The following OTUD7A variants were observed in gnomAD, a reference collection of about 807,000 sequenced individuals.
OTUD7A encodes the protein OTU domain-containing protein 7A.
A neutral mutation model predicts 65.7 loss-of-function variants in OTUD7A; 12 were observed. The observed-to-expected ratio is 0.18, with a 90% CI of 0.12 to 0.30. The LOEUF (loss-of-function observed/expected upper bound fraction) is 0.30. Among genes scored for constraint, OTUD7A ranks in the 10% least tolerant of loss-of-function variants. The pLI, the probability that OTUD7A is intolerant of heterozygous loss-of-function variation, is 1.00. For missense variants in OTUD7A, 1,148 were observed against 1,304.8 expected, an observed-to-expected ratio of 0.88 and a Z score of 1.85; for synonymous variants, 641 against 586.3, an observed-to-expected ratio of 1.09 and a Z score of -1.35.
At chr15:31,843,941 C>A (rs1897244457) in intron 1 of OTUD7A, among the ~76,000 whole-genome samples, 1 of 152,194 alleles carries the variant, frequency 6.6e-6, no homozygotes, top group Non-Finnish European at 1.5e-5. Context: ...GACCACCCAG[C>A]CAGGCAGGAG....
At chr15:31,766,557 C>G (rs1171208993) in intron 1 of OTUD7A, 6 of 1,612,952 alleles carry the variant, frequency 3.7e-6, no homozygotes, top group Non-Finnish European at 5.1e-6. Flanking sequence ...CACACTTGTG[C>G]TGCCTTGTCC....
chr15:31,597,531 C>T (rs1595641005), intron 3 of OTUD7A, among the ~76,000 whole-genome samples: 1 of 151,302 alleles, frequency 6.6e-6, no homozygotes, highest in East Asian at 1.9e-4. Flanking sequence ...GTTGAAAAGA[C>T]TTTCCTTTCT....
At chr15:31,695,664 C>T in intron 1 of OTUD7A, among the ~76,000 whole-genome samples, 1 of 152,224 alleles carries the variant, frequency 6.6e-6, no homozygotes, top group Non-Finnish European at 1.5e-5. Context: ...AAACAGGAGA[C>T]AGACCTGGAG....
At position 31,737,318 on chromosome 15, in the gene OTUD7A, A is replaced by G. The variant is rs1297838788; in HGVS notation, c.-99-80241T>C. On this transcript the variant is annotated intron_variant, in intron 1 of 12. Coordinates refer to ENST00000307050, the MANE Select transcript of OTUD7A (RefSeq NM_001382637.1). ...TCCACTATTGAAATAGAGACAGACA[A>G]CCCCACAAAAACTCCAGCAAAAGAC... 2.0e-5 allele frequency among the ~76,000 whole-genome samples: 3 copies of G among 152,266 alleles called. No homozygotes were observed. The Middle Eastern group carries it at 0.01, about 518-fold the overall frequency.
At chr15:31,649,214 G>C (rs1221664445) in intron 3 of OTUD7A, among the ~76,000 whole-genome samples, 3 of 152,302 alleles carry the variant, frequency 2.0e-5, no homozygotes, top group Non-Finnish European at 4.4e-5. Flanking sequence ...TGCTGTGCCA[G>C]AGAGCCAGAC....
chr15:31,505,748 ATTT>A (rs58989170), intron 8 of OTUD7A, among the ~76,000 whole-genome samples: 1 of 145,384 alleles, frequency 6.9e-6, no homozygotes, highest in African/African-American at 2.5e-5. Flanking sequence ...ATTGAAGTTA[ATTT>A]TTTTTTTTTT....
chr15:31,505,559 A>AT (rs545332263), intron 8 of OTUD7A, among the ~76,000 whole-genome samples: 35 of 151,680 alleles, frequency 2.3e-4, no homozygotes, highest in South Asian at 8.3e-4. Context: ...CCCTCTTATA[A>AT]TTTTTTTTTA....
chr15:31,511,112 A>AACAC (rs1216579968), intron 8 of OTUD7A, among the ~76,000 whole-genome samples: 1 of 37,556 alleles, frequency 2.7e-5, no homozygotes, highest in Non-Finnish European at 4.4e-5. Context: ...ATCTATATGT[A>AACAC]ACATACATAT....
At chr15:31,610,454 G>C (rs2141221851) in intron 3 of OTUD7A, among the ~76,000 whole-genome samples, 1 of 151,514 alleles carries the variant, frequency 6.6e-6, no homozygotes, top group Middle Eastern at 3.4e-3. Flanking sequence ...AGAACAAATG[G>C]ACTTAACAGA....
intron 5 of OTUD7A, among the ~76,000 whole-genome samples, chr15:31,538,899 T>G (rs1887893434): frequency 6.6e-6 from 1 of 152,162 alleles, no homozygotes; most frequent in South Asian, 2.1e-4. Context: ...CAACATGAAT[T>G]TGGCAATTTT....
chr15:31,517,703 C>T (rs1363924294), intron 8 of OTUD7A, among the ~76,000 whole-genome samples: 3 of 152,134 alleles, frequency 2.0e-5, no homozygotes, highest in Non-Finnish European at 4.4e-5. Context: ...GATATACCGT[C>T]TACCCAATGA....
chr15:31,778,588 C>T (rs982201802), intron 1 of OTUD7A, among the ~76,000 whole-genome samples: 2 of 152,224 alleles, frequency 1.3e-5, no homozygotes, highest in African/African-American at 4.8e-5. Flanking sequence ...TCCAATGCTG[C>T]AGGTGCTGGT....
At chr15:31,527,938 A>G (rs960678188) in intron 6 of OTUD7A, among the ~76,000 whole-genome samples, 1 of 152,236 alleles carries the variant, frequency 6.6e-6, no homozygotes, top group Non-Finnish European at 1.5e-5. Flanking sequence ...CTTAGATGTG[A>G]TCAAGAACCC....
chr15:31,813,450 G>A (rs750722078), intron 1 of OTUD7A, among the ~76,000 whole-genome samples: 6 of 152,186 alleles, frequency 3.9e-5, no homozygotes, highest in Non-Finnish European at 5.9e-5. Flanking sequence ...ACTGCTCCAA[G>A]ATTCAGCAAA....
At chr15:31,649,691 A>G (rs906033107) in intron 3 of OTUD7A, 2 of 383,134 alleles carry the variant, frequency 5.2e-6, no homozygotes, top group Admixed American at 5.3e-5. Context: ...GTGAAAGCCA[A>G]AGGCAGGACC....
intron 1 of OTUD7A, among the ~76,000 whole-genome samples, chr15:31,736,237 A>G (rs1477640375): frequency 1.3e-5 from 2 of 152,216 alleles, no homozygotes; most frequent in African/African-American, 4.8e-5. Flanking sequence ...AGTAATAATG[A>G]TAAAAGCAGT....
At chr15:31,704,684 A>C (rs1316765053) in intron 1 of OTUD7A, among the ~76,000 whole-genome samples, 1 of 151,950 alleles carries the variant, frequency 6.6e-6, no homozygotes, top group Non-Finnish European at 1.5e-5. Context: ...CCCCCTCAAA[A>C]ACATTATCCA....
chr15:31,766,178 A>G (rs1895089525), intron 1 of OTUD7A: 1 of 1,494,574 alleles, frequency 6.7e-7, no homozygotes, highest in Non-Finnish European at 9.3e-7. Context: ...CTAATCTTCC[A>G]GCAAGAAGCT....
chr15:31,868,244 TTGTTTTAAAA>T (rs1897931259), intron 1 of OTUD7A, among the ~76,000 whole-genome samples: 1 of 152,126 alleles, frequency 6.6e-6, no homozygotes, highest in Non-Finnish European at 1.5e-5. Context: ...TTTAAAGCGG[TTGTTTTAAAA>T]TGTTTTGGGG....
Sources: gnomAD v4.1 joint callset for allele counts (sites outside exome capture counted in the v4.1 genomes callset) on GRCh38, gnomAD v4.1.1 for gene constraint, MANE v1.5 for transcripts, NCBI Gene and HGNC (gene_info 2026-07-23, HGNC 2026-07-21) for gene names.